Variants in NCAPD3 observed in about 807,000 individuals in gnomAD.
NCAPD3 encodes the protein non-SMC condensin II complex subunit D3.
NCAPD3 carries 105 observed loss-of-function variants against 182.9 expected under a neutral mutation model. That is an observed-to-expected ratio of 0.57 (90% CI 0.49 to 0.68). NCAPD3 has a LOEUF of 0.68. NCAPD3 is among the 30% of genes least tolerant of loss of function. NCAPD3 has a pLI of 0.00. For synonymous variants in NCAPD3, 815 were observed against 679.9 expected, an observed-to-expected ratio of 1.20 and a Z score of -3.09; for missense variants, 1,944 against 1,837.0, an observed-to-expected ratio of 1.06 and a Z score of -1.07.
At chr11:134,170,907 G>A (rs1002326675) in intron 24 of NCAPD3, among the ~76,000 whole-genome samples, 1 of 152,156 alleles carries the variant, frequency 6.6e-6, no homozygotes, top group Non-Finnish European at 1.5e-5. Context: ...TTATTAAGAG[G>A]GCAAGTTTCA....
At chr11:134,211,808 T>TG (rs1937842789) in intron 3 of NCAPD3, among the ~76,000 whole-genome samples, 1 of 152,040 alleles carries the variant, frequency 6.6e-6, no homozygotes. Context: ...TAAGTGAACT[T>TG]GAAGATACAG....
intron 32 of NCAPD3, among the ~76,000 whole-genome samples, chr11:134,154,552 TCCTGGGTGGTGC>T (rs1943363994): frequency 3.8e-5 from 1 of 26,256 alleles, no homozygotes; most frequent in Non-Finnish European, 6.8e-5. Context: ...GCCTCACCCC[TCCTGGGTGGTGC>T]AGCCTCGCCC....
intron 27 of NCAPD3, among the ~76,000 whole-genome samples, chr11:134,165,281 TTG>T (rs1943740289): frequency 6.8e-6 from 1 of 147,796 alleles, no homozygotes; most frequent in Non-Finnish European, 1.5e-5. Context: ...GCACACTCGC[TTG>T]TGAGATGAAC....
chr11:134,156,836 G>A, intron 32 of NCAPD3, 182 bp downstream of exon 32: 1 of 524,226 alleles, frequency 1.9e-6, no homozygotes, highest in Non-Finnish European at 3.4e-6. Flanking sequence ...AACATACTCG[G>A]TCAGTGCTCA....
chr11:134,162,227 C>T (rs1247278440), intron 27 of NCAPD3, among the ~76,000 whole-genome samples: 2 of 152,222 alleles, frequency 1.3e-5, no homozygotes, highest in Non-Finnish European at 2.9e-5. Context: ...TCTTGCTCCA[C>T]CTTCAGTCCT....
At chr11:134,190,662 A>C (rs1944504942) in intron 16 of NCAPD3, among the ~76,000 whole-genome samples, 1 of 152,082 alleles carries the variant, frequency 6.6e-6, no homozygotes, top group Non-Finnish European at 1.5e-5. Flanking sequence ...TTTTTTGTAG[A>C]GACAAGGTCT....
chr11:134,216,109 C>T (rs1938013375), intron 3 of NCAPD3, among the ~76,000 whole-genome samples: 1 of 152,082 alleles, frequency 6.6e-6, no homozygotes, highest in South Asian at 2.1e-4. Context: ...TAGTTACAAC[C>T]GAGACACTGC....
At chr11:134,184,607 A>G in intron 19 of NCAPD3, 30 bp downstream of exon 19, 1 of 1,485,372 alleles carries the variant, frequency 6.7e-7, no homozygotes, top group Non-Finnish European at 9.2e-7. Context: ...CAAAGAAGTC[A>G]GAAACATGTC....
Position 134,204,082 on chromosome 11 carries a change from G to A in NCAPD3, c.1179C>T (p.Phe393=). The change falls in exon 10 of 35, where the codon TTC becomes TTT. Residue 393 remains phenylalanine (F), a synonymous_variant. Coordinates refer to ENST00000534548, the MANE Select transcript of NCAPD3 (RefSeq NM_015261.3). The surrounding 1 kb of genome is among the most constrained non-coding windows in gnomAD (Gnocchi z 4.3). ...GGGAGTATTTGTAAAGCCAGGCAAT[G>A]AACATAGCGTATTCCCCACAAGGAA... ...SKLPCGEYAM[F]IAWLYKYSRS... 6.2e-7 allele frequency: 1 copy of A among 1,614,144 alleles called. No homozygotes were observed. Among genetic ancestry groups the A allele is most frequent in the Non-Finnish European group, 8.5e-7 (1 of 1,180,010 alleles).
At chr11:134,167,453 A>AG (rs1943873684) in intron 27 of NCAPD3, among the ~76,000 whole-genome samples, 1 of 52,328 alleles carries the variant, frequency 1.9e-5, no homozygotes, top group Admixed American at 2.4e-4. Flanking sequence ...AGAGGAGCTT[A>AG]GGGGAGGCGC....
intron 18 of NCAPD3, 69 bp downstream of exon 18, chr11:134,184,833 AC>A: frequency 1.5e-6 from 2 of 1,379,126 alleles, no homozygotes; most frequent in Non-Finnish European, 2.1e-6. Context: ...ACACACACAC[AC>A]ACACACACAC....
At chr11:134,166,974 T>A (rs1234015130) in intron 27 of NCAPD3, among the ~76,000 whole-genome samples, 8 of 93,158 alleles carry the variant, frequency 8.6e-5, no homozygotes, top group South Asian at 4.1e-4. Flanking sequence ...TTAGGGGAGC[T>A]GCACACTCAC....
chr11:134,192,828 G>C lies in NCAPD3; in HGVS notation c.1906C>G (p.Gln636Glu), dbSNP rs377633130. The C allele has an allele frequency of 5.1e-5, 83 of 1,613,972 alleles. No individual in the cohort carries two copies. The highest frequency in any genetic ancestry group is 6.8e-5 in the Non-Finnish European group (80 of 1,179,924). Residue 636 changes from glutamine to glutamate, a missense_variant, in exon 16 of 35, where the codon CAG becomes GAG. By Grantham distance (29) the Gln-to-Glu change is conservative. Transcript: ENST00000534548. ...TCCAGGAACTCCAGGGCCTTCTCCTGCACAGTGCTCTCGCAGTCCATCACC... is the reference window on the plus strand; with the variant it reads ...TCCAGGAACTCCAGGGCCTTCTCCTCCACAGTGCTCTCGCAGTCCATCACC... ...PVVMDCESTVQEKALEFLDQL... is the reference protein window; with the variant it reads ...PVVMDCESTVEEKALEFLDQL...
chr11:134,175,357 G>C (rs1207605349), intron 24 of NCAPD3, among the ~76,000 whole-genome samples: 3 of 152,146 alleles, frequency 2.0e-5, no homozygotes, highest in Admixed American at 2.0e-4. Flanking sequence ...AAGGTAAGAG[G>C]GTGTGTGAAG....
Position 134,170,026 on chromosome 11 carries a change from G to A in NCAPD3, c.3102-972C>T, listed in dbSNP as rs77652181. On this transcript the variant is annotated intron_variant, in intron 24 of 34. Transcript: ENST00000534548. The stretch of plus-strand genomic sequence containing the variant: ...GGGCATTGGGACTGTGTAGGAGACT[G>A]ACTTCTCCTTTCCCCAGTGGTGCTC... Among the ~76,000 whole-genome samples, 1,225 of 152,318 alleles carry A rather than the reference G, an allele frequency of 8.0e-3. 23 individuals are homozygous for A. Among genetic ancestry groups the A allele is most frequent in the African/African-American group, 0.028 (1,160 of 41,570 alleles).
intron 24 of NCAPD3, 33 bp downstream of exon 24, chr11:134,176,274 T>C (rs1366181621): frequency 6.3e-7 from 1 of 1,575,326 alleles, no homozygotes; most frequent in African/African-American, 1.3e-5. Context: ...TGAGGTAAAC[T>C]GTTGAGTCGT....
intron 24 of NCAPD3, among the ~76,000 whole-genome samples, chr11:134,174,504 T>C (rs1944111108): frequency 6.7e-6 from 1 of 149,240 alleles, no homozygotes; most frequent in Non-Finnish European, 1.5e-5. Context: ...TATATACATA[T>C]ATATATACAC....
In NCAPD3 at chr11:134,192,914, G is replaced by T; in HGVS notation, c.1825-5C>A. The T allele has an allele frequency of 6.4e-7, 1 of 1,562,700 alleles. No individual in the cohort carries two copies. Among genetic ancestry groups the T allele is most frequent in the African/African-American group, 1.4e-5 (1 of 73,972 alleles). On this transcript the variant is annotated splice_region_variant and splice_polypyrimidine_tract_variant and intron_variant, in intron 15 of 34. Transcript: ENST00000534548. Reference sequence around the variant, plus strand: ...CTGCACGCATCTAGGCTGAGCCTTAGGAGTGAAAGATTATGACATGAGAAG... The same window carrying T: ...CTGCACGCATCTAGGCTGAGCCTTATGAGTGAAAGATTATGACATGAGAAG...
At chr11:134,211,491 T>C (rs1937829478) in intron 3 of NCAPD3, among the ~76,000 whole-genome samples, 1 of 150,992 alleles carries the variant, frequency 6.6e-6, no homozygotes, top group South Asian at 2.1e-4. Flanking sequence ...TTACAAAAAA[T>C]ACAGGGGGAA....
Sources: gnomAD v4.1 joint callset for allele counts (sites outside exome capture counted in the v4.1 genomes callset) on GRCh38, gnomAD v4.1.1 for gene constraint, Gnocchi (gnomAD v3.1) non-coding constraint, MANE v1.5 for transcripts, NCBI Gene and HGNC (gene_info 2026-07-23, HGNC 2026-07-21) for gene names.